ACYP2: variants seen among roughly 807,000 people sequenced by gnomAD.
The protein encoded by ACYP2 is acylphosphatase 2.
ACYP2 carries 12 observed loss-of-function variants against 11.2 expected under a neutral mutation model. That is an observed-to-expected ratio of 1.08 (90% CI 0.69 to 1.74). The LOEUF (loss-of-function observed/expected upper bound fraction) is 1.74. Ranked by LOEUF, ACYP2 falls within the 40% of genes most tolerant of loss-of-function variation. The pLI is 0.00. For synonymous variants in ACYP2, 43 were observed against 32.2 expected, an observed-to-expected ratio of 1.33 and a Z score of -1.13; for missense variants, 134 against 101.9, an observed-to-expected ratio of 1.31 and a Z score of -1.35.
At chr2:54,244,464 A>G (rs1390998200) in intron 6 of ACYP2, among the ~76,000 whole-genome samples, 1 of 151,340 alleles carries the variant, frequency 6.6e-6, no homozygotes, top group Non-Finnish European at 1.5e-5. Flanking sequence ...AGCCTCCCAA[A>G]GTGCTGGGAT....
At chr2:54,124,942 T>C (rs2103750150) in intron 4 of ACYP2, among the ~76,000 whole-genome samples, 1 of 152,162 alleles carries the variant, frequency 6.6e-6, no homozygotes, top group South Asian at 2.1e-4. Context: ...TTTGTAGAGA[T>C]GGGGTTTCAC....
chr2:54,131,039 T>C (rs1032300318), intron 4 of ACYP2, among the ~76,000 whole-genome samples: 1 of 152,252 alleles, frequency 6.6e-6, no homozygotes, highest in Non-Finnish European at 1.5e-5. Context: ...CCAGTTTACT[T>C]GTCCATCTTT....
At chr2:54,150,035 T>C (rs1682076414) in intron 6 of ACYP2, among the ~76,000 whole-genome samples, 1 of 152,212 alleles carries the variant, frequency 6.6e-6, no homozygotes, top group South Asian at 2.1e-4. Flanking sequence ...GACAACAAGT[T>C]TTCCTGTAAA....
At chr2:54,243,073 C>G (rs1686799338) in intron 6 of ACYP2, among the ~76,000 whole-genome samples, 1 of 152,074 alleles carries the variant, frequency 6.6e-6, no homozygotes, top group South Asian at 2.1e-4. Context: ...GAGATTAGCC[C>G]TTTGTCTGTG....
At chr2:54,118,576 A>G (rs1445936715) in intron 4 of ACYP2, among the ~76,000 whole-genome samples, 1 of 152,266 alleles carries the variant, frequency 6.6e-6, no homozygotes, top group South Asian at 2.1e-4. Context: ...GTGCTTTCCC[A>G]TTATAAGATG....
chr2:53,999,565 C>A (rs948120482), intron 2 of ACYP2, among the ~76,000 whole-genome samples: 1 of 152,120 alleles, frequency 6.6e-6, no homozygotes, highest in Non-Finnish European at 1.5e-5. Flanking sequence ...AACCTAGCAC[C>A]CTTCCAGGAT....
At chr2:54,169,006 G>A (rs1430966931) in intron 6 of ACYP2, among the ~76,000 whole-genome samples, 1 of 152,140 alleles carries the variant, frequency 6.6e-6, no homozygotes, top group African/African-American at 2.4e-5. Context: ...GATTTGTAAA[G>A]CTTGGTTTTC....
intron 6 of ACYP2, among the ~76,000 whole-genome samples, chr2:54,249,502 A>G (rs776254918): frequency 6.6e-6 from 1 of 152,052 alleles, no homozygotes; most frequent in Admixed American, 6.5e-5. Flanking sequence ...CGTCATTTAC[A>G]TGCTCTGGCC....
chr2:54,096,007 A>AC (rs1305976852), intron 4 of ACYP2, among the ~76,000 whole-genome samples: 4 of 18,972 alleles, frequency 2.1e-4, no homozygotes, highest in Admixed American at 6.7e-4. Context: ...GCGGGGGCTG[A>AC]CCCCCCCACC....
At chr2:54,131,380 C>T (rs10206954) in intron 4 of ACYP2, among the ~76,000 whole-genome samples, 38,956 of 152,020 alleles carry the variant, frequency 0.26, 5,145 homozygotes, top group African/African-American at 0.34. Context: ...AAGGGCTGCT[C>T]GAGATTCGTA....
chr2:54,124,487 C>T (rs756551229), intron 4 of ACYP2, among the ~76,000 whole-genome samples: 15 of 152,062 alleles, frequency 9.9e-5, no homozygotes, highest in Non-Finnish European at 1.5e-4. Context: ...TGAGCCACCA[C>T]GCCCAGCCCA....
chr2:54,025,688 A>G (rs6714450), intron 2 of ACYP2, among the ~76,000 whole-genome samples: 39,627 of 152,208 alleles, frequency 0.26, 5,885 homozygotes, highest in South Asian at 0.46. Context: ...GACTTAGTCT[A>G]AGACATCATG....
In ACYP2 at chr2:54,119,393, A is replaced by G. The variant is rs552976473; in HGVS notation, c.278-16060A>G. ...CTGTCTCTAAAGAAACAATAAAATA[A>G]ATAAAGTATGGAATAATAAAATTTT... On this transcript the variant is annotated intron_variant, in intron 4 of 6. Coordinates refer to ENST00000607452, the MANE Select transcript of ACYP2 (RefSeq NM_001320586.2). Among the ~76,000 whole-genome samples, 5 of 152,304 alleles carry G rather than the reference A, an allele frequency of 3.3e-5. No homozygotes were observed. In the South Asian group the frequency reaches 1.0e-3, roughly 32 times the overall value.
chr2:54,173,885 G>A (rs1683325137), intron 6 of ACYP2, among the ~76,000 whole-genome samples: 1 of 152,074 alleles, frequency 6.6e-6, no homozygotes. Context: ...TGTTCCATTG[G>A]TATATATCTC....
chr2:54,065,697 A>T, intron 4 of ACYP2: 1 of 393,190 alleles, frequency 2.5e-6, no homozygotes, highest in Non-Finnish European at 4.5e-6. Flanking sequence ...TTGGTGAATA[A>T]AATGTTTAAC....
At chr2:54,128,375 A>G (rs1243196328) in intron 4 of ACYP2, among the ~76,000 whole-genome samples, 1 of 148,240 alleles carries the variant, frequency 6.7e-6, no homozygotes, top group Non-Finnish European at 1.5e-5. Flanking sequence ...TTCAAATTCC[A>G]TTTTTTTTTT....
chr2:54,259,400 G>A (rs1687686731), intron 6 of ACYP2, among the ~76,000 whole-genome samples: 1 of 152,172 alleles, frequency 6.6e-6, no homozygotes, highest in South Asian at 2.1e-4. Context: ...GTCCTGATAA[G>A]CTGGGCCCTG....
At chr2:54,099,802 G>C (rs768020039) in intron 4 of ACYP2, among the ~76,000 whole-genome samples, 1 of 152,058 alleles carries the variant, frequency 6.6e-6, no homozygotes, top group Non-Finnish European at 1.5e-5. Flanking sequence ...TATATCCTTA[G>C]GATACGTATC....
intron 6 of ACYP2, among the ~76,000 whole-genome samples, chr2:54,217,914 CTT>C (rs1685624375): frequency 6.6e-6 from 1 of 152,152 alleles, no homozygotes; most frequent in South Asian, 2.1e-4. Flanking sequence ...ACATCCAACT[CTT>C]TATTTATCTT....
Sources: allele counts gnomAD v4.1 joint callset (sites outside exome capture counted in the v4.1 genomes callset), GRCh38; gene constraint gnomAD v4.1.1; transcripts MANE v1.5; gene names NCBI Gene and HGNC (gene_info 2026-07-23, HGNC 2026-07-21).